The following EIF4B variants were observed in gnomAD, a reference collection of about 807,000 sequenced individuals.
The protein encoded by EIF4B is eukaryotic translation initiation factor 4B.
In EIF4B, 8 loss-of-function variants were observed where a neutral mutation model predicts 79.3. That is an observed-to-expected ratio of 0.10 (90% CI 0.06 to 0.18). EIF4B has a LOEUF of 0.18. Ranked by LOEUF, EIF4B falls within the 10% of genes least tolerant of loss-of-function variation. The pLI is 1.00. For synonymous variants in EIF4B, 238 were observed against 274.7 expected, an observed-to-expected ratio of 0.87 and a Z score of 1.32; for missense variants, 515 against 792.4, an observed-to-expected ratio of 0.65 and a Z score of 4.20.
Position 53,018,847 on chromosome 12 carries a change from A to G in EIF4B, c.201A>G (p.Pro67=), listed in dbSNP as rs1372351326. Residue 67 remains proline, a synonymous_variant, in exon 3 of 15, where the codon CCA becomes CCG. Coordinates refer to ENST00000262056, the MANE Select transcript of EIF4B (RefSeq NM_001417.7). ...ATGACGATGTGTATAGGGCGCCTCCAATTGACCGTTCCATCCTTCCCACTG... is the reference window on the plus strand; with the variant it reads ...ATGACGATGTGTATAGGGCGCCTCCGATTGACCGTTCCATCCTTCCCACTG... ...SNDDDVYRAP[P]IDRSILPTAP... is the part of the protein sequence containing the mutation. The G allele has an allele frequency of 1.9e-6, 3 of 1,613,552 alleles. No homozygotes were observed. Among genetic ancestry groups the G allele is most frequent in the Non-Finnish European group, 1.7e-6 (2 of 1,179,858 alleles).
chr12:53,019,609 A>T (rs1943214690), intron 3 of EIF4B, among the ~76,000 whole-genome samples: 1 of 149,650 alleles, frequency 6.7e-6, no homozygotes, highest in Admixed American at 6.7e-5. Context: ...CAGAGGATCC[A>T]CCTGCTTCGG....
chr12:53,016,742 T>C (rs1742046255), intron 2 of EIF4B, 132 bp downstream of exon 2: 1 of 1,302,436 alleles, frequency 7.7e-7, no homozygotes, highest in Admixed American at 3.2e-5. Flanking sequence ...CTTACATATT[T>C]TATAGAATCT....
At chr12:53,024,044 A>T (rs923611935) in intron 6 of EIF4B, among the ~76,000 whole-genome samples, 2 of 152,210 alleles carry the variant, frequency 1.3e-5, no homozygotes, top group Non-Finnish European at 2.9e-5. Flanking sequence ...TCCTGTCTTT[A>T]TTGGGCATAC....
chr12:53,028,202 T>C lies in EIF4B; in HGVS notation c.979+14T>C. On this transcript the variant is annotated intron_variant, in intron 8 of 14. Transcript: ENST00000262056. ...GTGATGATAGAGGTAATAGTTTTCTTTTTACGTACTTCATGGAGCAGAAAC... is the reference window on the plus strand; with the variant it reads ...GTGATGATAGAGGTAATAGTTTTCTCTTTACGTACTTCATGGAGCAGAAAC... 1 of 1,551,220 alleles carries C rather than the reference T, an allele frequency of 6.4e-7. No individual in the cohort carries two copies. The highest frequency in any genetic ancestry group is 1.2e-5 in the South Asian group (1 of 81,008).
rs1236351090 is a variant in EIF4B, at chr12:53,030,643, C to G, written c.979+2455C>G. On this transcript the variant is annotated intron_variant, in intron 8 of 14. Transcript: ENST00000262056. ...GCCAGGATGGTCTGGATCTCTTGAC[C>G]TTGTGATTCGCCCGCCTCGGCCTCC... 4.0e-5 allele frequency among the ~76,000 whole-genome samples: 6 copies of G among 151,498 alleles called. No homozygotes were observed. In the East Asian group the frequency reaches 1.2e-3, roughly 29 times the overall value.
intron 5 of EIF4B, chr12:53,022,266 C>T (rs1480068029): frequency 2.8e-6 from 2 of 713,462 alleles, no homozygotes; most frequent in South Asian, 1.5e-5. Context: ...ACTCCTGGCC[C>T]ATACAGAATT....
intron 1 of EIF4B, among the ~76,000 whole-genome samples, chr12:53,011,567 A>G (rs1255522300): frequency 2.0e-5 from 3 of 151,174 alleles, no homozygotes; most frequent in African/African-American, 4.8e-5. Flanking sequence ...AGAATCAGAG[A>G]TAACTGCTAA....
At position 53,007,122 on chromosome 12, in the gene EIF4B, C is replaced by T. The variant is rs3741440; in HGVS notation, c.13+626C>T. Among the ~76,000 whole-genome samples, 532 of 152,242 alleles carry T rather than the reference C, an allele frequency of 3.5e-3. 12 individuals are homozygous for T. The East Asian group carries it at 0.049, about 14-fold the overall frequency. On this transcript the variant is annotated intron_variant, in intron 1 of 14. Transcript: ENST00000262056. The stretch of plus-strand genomic sequence containing the variant: ...ACGCGCCTGTGTTGCGCACTTATGT[C>T]CTTTTAGGTTGTCTCTTCCCTTTCT...
At chr12:53,007,333 T>C (rs1033721262) in intron 1 of EIF4B, among the ~76,000 whole-genome samples, 1 of 151,530 alleles carries the variant, frequency 6.6e-6, no homozygotes, top group Non-Finnish European at 1.5e-5. Flanking sequence ...CATTTTTTAC[T>C]CAGCGCAGCT....
Position 53,040,134 on chromosome 12 carries a change from G to A in EIF4B, c.1756-9G>A. On this transcript the variant is annotated splice_polypyrimidine_tract_variant and intron_variant, in intron 14 of 14. Transcript: ENST00000262056. ...CCTTCATTATCCTGTCACTCTCGTT[G>A]TGTTACAGAAGTTCAGTTCTGCAAG... is the stretch of plus-strand genomic sequence containing the variant. 3.7e-6 allele frequency: 6 copies of A among 1,614,104 alleles called. No individual in the cohort carries two copies. The highest frequency in any genetic ancestry group is 5.1e-6 in the Non-Finnish European group (6 of 1,179,974).
chr12:53,019,883 C>CT, intron 3 of EIF4B, 27 bp from the exon 4 acceptor site: 4 of 1,598,148 alleles, frequency 2.5e-6, no homozygotes, highest in Admixed American at 1.7e-5. Context: ...TGCTGGGAAA[C>CT]TTTGTTGTTG....
intron 1 of EIF4B, among the ~76,000 whole-genome samples, chr12:53,015,519 A>T (rs1159861500): frequency 6.6e-6 from 1 of 151,672 alleles, no homozygotes; most frequent in African/African-American, 2.4e-5. Context: ...AGGGAATTAA[A>T]AAACTTTTTA....
At chr12:53,030,720 G>A (rs1233349794) in intron 8 of EIF4B, among the ~76,000 whole-genome samples, 2 of 151,838 alleles carry the variant, frequency 1.3e-5, no homozygotes, top group African/African-American at 4.8e-5. Context: ...AAAAAACTAC[G>A]TTCTTAAAAG....
rs751031658 is a variant in EIF4B, at chr12:53,006,466, C to G, written c.-18C>G. 11 of 1,613,366 alleles carry G rather than the reference C, an allele frequency of 6.8e-6. No homozygotes were observed. Among genetic ancestry groups the G allele is most frequent in the Non-Finnish European group, 9.3e-6 (11 of 1,180,026 alleles). On this transcript the variant is annotated 5_prime_UTR_variant, in exon 1 of 15. Transcript: ENST00000262056. ...TTGCCTCATCCGGGTCTTTTGCGTT[C>G]TCTTTCCCTCTCCCAACATGGCGGC...
intron 10 of EIF4B, among the ~76,000 whole-genome samples, chr12:53,036,088 AT>A (rs1228018028): frequency 9.5e-6 from 1 of 105,072 alleles, no homozygotes; most frequent in African/African-American, 3.2e-5. Context: ...CTGGCCTTCT[AT>A]TTTTTTTATT....
intron 1 of EIF4B, 36 bp downstream of exon 1, chr12:53,006,532 T>G (rs1449419487): frequency 1.9e-6 from 3 of 1,613,334 alleles, no homozygotes; most frequent in East Asian, 2.2e-5. Flanking sequence ...AGGACTGGGC[T>G]CTGAAACCCC....
chr12:53,008,426 C>G (rs1432596359), intron 1 of EIF4B, among the ~76,000 whole-genome samples: 1 of 152,190 alleles, frequency 6.6e-6, no homozygotes, highest in African/African-American at 2.4e-5. Flanking sequence ...CTTGAGGAAT[C>G]TGGGGTTTAT....
At chr12:53,009,243 G>T (rs578228879) in intron 1 of EIF4B, among the ~76,000 whole-genome samples, 7 of 152,148 alleles carry the variant, frequency 4.6e-5, no homozygotes, top group South Asian at 4.1e-4. Context: ...TTCAAATTGG[G>T]CAGGGTGCAG....
At chr12:53,014,000 A>G (rs1943108238) in intron 1 of EIF4B, 1 of 152,060 alleles carries the variant, frequency 6.6e-6, no homozygotes, top group South Asian at 2.1e-4. Flanking sequence ...TGCCTCTACA[A>G]AAAATTTTAA....
Sources: allele counts gnomAD v4.1 joint callset (sites outside exome capture counted in the v4.1 genomes callset), GRCh38; gene constraint gnomAD v4.1.1; transcripts MANE v1.5; gene names NCBI Gene and HGNC (gene_info 2026-07-23, HGNC 2026-07-21).